The following ZFHX3 variants were observed in gnomAD, a reference collection of about 807,000 sequenced individuals.
The protein encoded by ZFHX3 is zinc finger homeobox protein 3.
Under a neutral mutation model 279.1 loss-of-function variants are expected in ZFHX3, and 42 were observed. The observed-to-expected ratio is 0.15, with a 90% CI of 0.12 to 0.19. ZFHX3 has a LOEUF of 0.19. ZFHX3 is among the 10% of genes least tolerant of loss of function. The pLI is 1.00. For missense variants in ZFHX3, 4,981 were observed against 4,754.0 expected (o/e 1.05, Z -1.40); for synonymous variants, 2,293 against 1,957.8 (o/e 1.17, Z -4.52).
At chr16:73,421,675 T>G (rs1183163187) in intron 3 of ZFHX3, among the ~76,000 whole-genome samples, 2 of 152,190 alleles carry the variant, frequency 1.3e-5, no homozygotes, top group African/African-American at 4.8e-5. Flanking sequence ...ATAAACCTCC[T>G]GTTTCATTTG....
intron 2 of ZFHX3, among the ~76,000 whole-genome samples, chr16:73,622,787 A>G (rs912760789): frequency 4.6e-5 from 7 of 152,120 alleles, no homozygotes; most frequent in Non-Finnish European, 1.0e-4. Context: ...GGGACCCTGA[A>G]GTCTATGGCT....
chr16:73,584,772 C>A (rs994039026), intron 2 of ZFHX3, among the ~76,000 whole-genome samples: 1 of 152,108 alleles, frequency 6.6e-6, no homozygotes, highest in African/African-American at 2.4e-5. Context: ...TTCTGTACAG[C>A]AAACAAACAA....
intron 2 of ZFHX3, among the ~76,000 whole-genome samples, chr16:73,589,258 TCAA>T (rs1567526876): frequency 2.5e-5 from 1 of 40,118 alleles, no homozygotes. Context: ...AGATTCTGTC[TCAA>T]AAAAAAAAAA....
intron 3 of ZFHX3, among the ~76,000 whole-genome samples, chr16:73,455,765 TAAG>T (rs969810257): frequency 1.3e-5 from 2 of 151,022 alleles, no homozygotes; most frequent in African/African-American, 4.9e-5. Context: ...CTTTGTTTGT[TAAG>T]AAGCAGTTAC....
At chr16:72,976,457 T>C (rs186442250) in intron 1 of ZFHX3, among the ~76,000 whole-genome samples, 406 of 152,360 alleles carry the variant, frequency 2.7e-3, no homozygotes, top group Non-Finnish European at 4.6e-3. Context: ...CTGGTTGTTC[T>C]AATGATTTTT....
chr16:73,259,872 G>A (rs1436511572), intron 4 of ZFHX3, among the ~76,000 whole-genome samples: 1 of 152,108 alleles, frequency 6.6e-6, no homozygotes, highest in African/African-American at 2.4e-5. Flanking sequence ...AAATAACCAT[G>A]GAAAAGTTGT....
rs753816844 is a variant in ZFHX3 at position 72,950,607 on chromosome 16, C to T, written c.3078G>A (p.Glu1026=). 1 of 1,614,236 alleles carries T rather than the reference C, an allele frequency of 6.2e-7. No individual in the cohort carries two copies. The highest frequency in any genetic ancestry group is 8.5e-7 in the Non-Finnish European group (1 of 1,180,052). The change falls in exon 3 of 10, where the codon GAG becomes GAA. Residue 1026 remains glutamate (E), a synonymous_variant. Transcript: ENST00000268489. The part of the protein sequence containing the change: ...AHIKEGGKAN[E]WRLKCVAIGN... ...CGATGGCCACACACTTGAGCCTCCACTCGTTGGCCTTGCCGCCCTCCTTGA... is the reference window on the plus strand; with the variant it reads ...CGATGGCCACACACTTGAGCCTCCATTCGTTGGCCTTGCCGCCCTCCTTGA...
intron 1 of ZFHX3, among the ~76,000 whole-genome samples, chr16:73,759,522 T>C (rs1346872210): frequency 6.6e-6 from 1 of 152,124 alleles, no homozygotes; most frequent in Non-Finnish European, 1.5e-5. Flanking sequence ...CAGAGAGCTA[T>C]CCCTGAAACC....
chr16:73,075,826 G>A (rs1279137247), intron 8 of ZFHX3, among the ~76,000 whole-genome samples: 3 of 152,012 alleles, frequency 2.0e-5, no homozygotes, highest in Non-Finnish European at 4.4e-5. Flanking sequence ...TGGAGACAGG[G>A]TTTCACTGTT....
chr16:73,740,088 G>A (rs2053642112), intron 1 of ZFHX3, among the ~76,000 whole-genome samples: 1 of 152,140 alleles, frequency 6.6e-6, no homozygotes, highest in African/African-American at 2.4e-5. Context: ...CCGGTTCCTT[G>A]CAGCCTGGAG....
intron 1 of ZFHX3, among the ~76,000 whole-genome samples, chr16:73,843,817 C>T (rs1567428215): frequency 1.3e-5 from 2 of 152,230 alleles, no homozygotes; most frequent in Admixed American, 1.3e-4. Flanking sequence ...AGCTACTCAA[C>T]TCCACCTCTG....
chr16:73,881,640 G>T (rs2030169267), intron 1 of ZFHX3, among the ~76,000 whole-genome samples: 1 of 151,684 alleles, frequency 6.6e-6, no homozygotes, highest in African/African-American at 2.4e-5. Context: ...ATATATTCTG[G>T]ATATTTGCTA....
chr16:73,535,957 C>G (rs1243051613), intron 2 of ZFHX3, among the ~76,000 whole-genome samples: 1 of 151,990 alleles, frequency 6.6e-6, no homozygotes. Flanking sequence ...CTCCTGACCT[C>G]AGGATCCGCC....
In ZFHX3 at chr16:72,795,700, A is replaced by G. The variant is rs2035880775; in HGVS notation, c.6982T>C (p.Tyr2328His). ...DRYIRTSNLN[Y>H]QCKKCSLVFQ... ...ACCAGGCTACATTTTTTGCACTGGT[A>G]GTTCAAGTTGCTTGTTCGAATGTAT... Residue 2328 changes from tyrosine to histidine, a missense_variant, in exon 9 of 10, where the codon TAC (tyrosine) becomes CAC (histidine). Transcript: ENST00000268489. 1.2e-6 allele frequency: 2 copies of G among 1,614,016 alleles called. No individual in the cohort carries two copies. The highest frequency in any genetic ancestry group is 1.7e-5 in the Admixed American group (1 of 59,998).
intron 1 of ZFHX3, among the ~76,000 whole-genome samples, chr16:73,003,446 G>A (rs1963570459): frequency 6.6e-6 from 1 of 152,018 alleles, no homozygotes; most frequent in Admixed American, 6.6e-5. Flanking sequence ...CCAGCACTTT[G>A]GGAGGCCAAG....
chr16:73,559,741 G>GCTCTACCCTGTCTCTCT (rs1356415770), intron 2 of ZFHX3, among the ~76,000 whole-genome samples: 5 of 152,146 alleles, frequency 3.3e-5, no homozygotes, highest in Non-Finnish European at 5.9e-5. Flanking sequence ...GCGGACTCTG[G>GCTCTACCCTGTCTCTCT]CTCTACCCTG....
At chr16:73,769,965 T>C (rs569684296) in intron 1 of ZFHX3, among the ~76,000 whole-genome samples, 2 of 152,246 alleles carry the variant, frequency 1.3e-5, no homozygotes, top group Non-Finnish European at 2.9e-5. Flanking sequence ...TTTATTATCA[T>C]AGTGCACTCA....
chr16:72,889,882 G>A lies in ZFHX3; in HGVS notation c.3297C>T (p.Ala1099=). 1 of 1,614,180 alleles carries A rather than the reference G, an allele frequency of 6.2e-7. No individual in the cohort carries two copies. Among genetic ancestry groups the A allele is most frequent in the Non-Finnish European group, 8.5e-7 (1 of 1,180,052 alleles). Residue 1099 remains alanine, a synonymous_variant, in exon 4 of 10, where the codon GCC becomes GCT. Transcript: ENST00000268489. ...HCVLCNYSTK[A]KLNLIQHVRS... ...GCACATGCTGGATGAGGTTGAGCTT[G>A]GCCTTGGTGGAGTAGTTGCACAGAA...
At chr16:73,138,412 T>G (rs1288188427) in intron 6 of ZFHX3, among the ~76,000 whole-genome samples, 1 of 152,130 alleles carries the variant, frequency 6.6e-6, no homozygotes, top group African/African-American at 2.4e-5. Context: ...GGTCAGGGGA[T>G]GAAGACTGGA....
Sources: gnomAD v4.1 joint callset for allele counts (sites outside exome capture counted in the v4.1 genomes callset) on GRCh38, gnomAD v4.1.1 for gene constraint, MANE v1.5 for transcripts, NCBI Gene and HGNC (gene_info 2026-07-23, HGNC 2026-07-21) for gene names.